The following SNX13 variants were observed in gnomAD, a reference collection of about 807,000 sequenced individuals.
The protein encoded by SNX13 is sorting nexin 13, also known as sorting nexin-13.
Under a neutral mutation model 133.6 loss-of-function variants are expected in SNX13, and 45 were observed. The ratio of observed to expected loss-of-function variants is 0.34; its 90% CI spans 0.27 to 0.43. The LOEUF (loss-of-function observed/expected upper bound fraction) is 0.43, where lower values mean the gene tolerates loss of function less well. Ranked by LOEUF, SNX13 falls within the 20% of genes least tolerant of loss-of-function variation. SNX13 has a pLI of 1.00. For synonymous variants in SNX13, 414 were observed against 373.9 expected, an observed-to-expected ratio of 1.11 and a Z score of -1.24; for missense variants, 1,032 against 1,145.1, an observed-to-expected ratio of 0.90 and a Z score of 1.43.
chr7:17,790,804 A>G lies in SNX13; in HGVS notation c.*3241T>C, dbSNP rs1359872596. 2 of 152,250 alleles carry G rather than the reference A, an allele frequency of 1.3e-5. No homozygotes were observed. The highest frequency in any genetic ancestry group is 2.1e-4 in the South Asian group (1 of 4,826). 9.4% of individuals were successfully genotyped at this position (152,250 alleles called of 1,614,324 possible). On this transcript the variant is annotated 3_prime_UTR_variant, in exon 26 of 26. Transcript: ENST00000428135. ...TAGTATTTTCTAATGGACAGAACAC[A>G]AACCAAATAAATTTTTTAATCCTTT...
At chr7:17,922,502 T>G (rs921669449) in intron 1 of SNX13, among the ~76,000 whole-genome samples, 1 of 152,234 alleles carries the variant, frequency 6.6e-6, no homozygotes, top group African/African-American at 2.4e-5. Context: ...ATGTGTTAAC[T>G]AAGTAAAACA....
chr7:17,914,045 G>C (rs750488437), intron 1 of SNX13, among the ~76,000 whole-genome samples: 9 of 151,916 alleles, frequency 5.9e-5, no homozygotes, highest in Non-Finnish European at 1.0e-4. Flanking sequence ...GCTGTATTAA[G>C]AAAGAACCAA....
intron 9 of SNX13, among the ~76,000 whole-genome samples, chr7:17,857,853 C>G (rs1012022053): frequency 6.6e-6 from 1 of 152,074 alleles, no homozygotes; most frequent in Non-Finnish European, 1.5e-5. Flanking sequence ...GGATTCATCA[C>G]AGAAATGCAA....
intron 1 of SNX13, among the ~76,000 whole-genome samples, chr7:17,939,064 T>A (rs1188262048): frequency 1.3e-5 from 2 of 152,180 alleles, no homozygotes; most frequent in African/African-American, 4.8e-5. Flanking sequence ...TAAGTATTTA[T>A]CATATGCCAG....
chr7:17,899,918 A>G (rs1469183080), intron 1 of SNX13: 1 of 152,132 alleles, frequency 6.6e-6, no homozygotes, highest in African/African-American at 2.4e-5. Flanking sequence ...CAGTCTTTAC[A>G]GTCTGGGCTT....
intron 11 of SNX13, among the ~76,000 whole-genome samples, chr7:17,849,118 C>T (rs926447389): frequency 1.3e-5 from 2 of 152,160 alleles, no homozygotes; most frequent in African/African-American, 4.8e-5. Context: ...CTCAAGATTG[C>T]CAATTGGCAT....
At chr7:17,815,887 A>T (rs1316080657) in intron 19 of SNX13, among the ~76,000 whole-genome samples, 2 of 152,232 alleles carry the variant, frequency 1.3e-5, no homozygotes, top group East Asian at 3.8e-4. Flanking sequence ...CTTTAAAAAA[A>T]AAATTCAAAT....
At chr7:17,847,902 T>G (rs1462156824) in intron 11 of SNX13, among the ~76,000 whole-genome samples, 3 of 152,148 alleles carry the variant, frequency 2.0e-5, no homozygotes, top group African/African-American at 7.2e-5. Context: ...ATAAACACTT[T>G]TAACATTTGG....
In SNX13 at chr7:17,912,949, G is replaced by A. The variant is rs1230153411; in HGVS notation, c.13-15503C>T. ...GGAGCAGGAAGAGACTTGTGAAGCT[G>A]AGGTTTCTCCTAGGATGCAAGACTC... On this transcript the variant is annotated intron_variant, in intron 1 of 25. Coordinates refer to ENST00000428135, the MANE Select transcript of SNX13 (RefSeq NM_015132.5). 2.6e-5 allele frequency among the ~76,000 whole-genome samples: 4 copies of A among 152,174 alleles called. No homozygotes were observed. In the East Asian group the frequency reaches 5.8e-4, roughly 22 times the overall value.
chr7:17,847,809 C>T (rs1009225788), intron 11 of SNX13, among the ~76,000 whole-genome samples: 2 of 152,124 alleles, frequency 1.3e-5, no homozygotes, highest in Non-Finnish European at 2.9e-5. Flanking sequence ...ACCAATAATC[C>T]AGAAGGTAGG....
At chr7:17,861,265 T>A (rs1325261046) in intron 9 of SNX13, among the ~76,000 whole-genome samples, 1 of 151,944 alleles carries the variant, frequency 6.6e-6, no homozygotes, top group African/African-American at 2.4e-5. Context: ...ACCCCGCCCC[T>A]GCCAGAAATG....
In SNX13 at chr7:17,845,670, C is replaced by T; in HGVS notation, c.1090G>A (p.Ala364Thr). The T allele has an allele frequency of 6.3e-7, 1 of 1,598,574 alleles. No individual in the cohort carries two copies. The highest frequency in any genetic ancestry group is 1.7e-5 in the Admixed American group (1 of 57,874). Residue 364 changes from alanine to threonine, a missense_variant, in exon 12 of 26, where the codon GCA (alanine) becomes ACA (threonine). Ala to Thr is a moderately conservative substitution (Grantham distance 58, BLOSUM62 0). Coordinates refer to ENST00000428135, the MANE Select transcript of SNX13 (RefSeq NM_015132.5). ...ACTGTGCAAAGTTTCCCAAAGTTTG[C>T]TGCAAGTTTCACAGTATTTATTTCC... is the stretch of plus-strand genomic sequence containing the variant. ...GKEINTVKLA[A>T]NFGKLCTVPL...
At chr7:17,888,820 T>G (rs981043344) in intron 5 of SNX13, 13 of 445,604 alleles carry the variant, frequency 2.9e-5, no homozygotes, top group Middle Eastern at 3.4e-4. Flanking sequence ...GCAGTTATTA[T>G]TACACTTATT....
chr7:17,896,391 T>A (rs73083310), intron 2 of SNX13, among the ~76,000 whole-genome samples: 8,000 of 152,244 alleles, frequency 0.053, 232 homozygotes, highest in South Asian at 0.1. Context: ...ATAGAAAGAC[T>A]ACAACATGAC....
At chr7:17,877,470 A>G (rs775395228) in intron 5 of SNX13, among the ~76,000 whole-genome samples, 6 of 152,124 alleles carry the variant, frequency 3.9e-5, no homozygotes, top group Non-Finnish European at 7.4e-5. Context: ...AAAATTTTAT[A>G]AAAACAAAAT....
At chr7:17,905,583 A>G (rs959814770) in intron 1 of SNX13, among the ~76,000 whole-genome samples, 3 of 152,214 alleles carry the variant, frequency 2.0e-5, no homozygotes, top group Non-Finnish European at 4.4e-5. Context: ...CTTTCCACCA[A>G]AATAGTACTA....
chr7:17,940,149 C>A (rs1191726558), intron 1 of SNX13, 135 bp downstream of exon 1: 5 of 1,176,446 alleles, frequency 4.3e-6, no homozygotes, highest in Non-Finnish European at 3.7e-6. Context: ...CTTGTAGGAT[C>A]CCCGCTGCTC....
chr7:17,814,595 A>C lies in SNX13; in HGVS notation c.2064+239T>G, dbSNP rs1354241275. Among the ~76,000 whole-genome samples, 8 of 152,256 alleles carry C rather than the reference A, an allele frequency of 5.3e-5. No homozygotes were observed. In the East Asian group the frequency reaches 1.5e-3, roughly 29 times the overall value. On this transcript the variant is annotated intron_variant, in intron 20 of 25. Coordinates refer to ENST00000428135, the MANE Select transcript of SNX13 (RefSeq NM_015132.5). The stretch of plus-strand genomic sequence containing the variant: ...ACTTGTCTCAGGCAAACTTTTCTTA[A>C]TGTACCATTTCAAATTTTTTATTTC...
intron 1 of SNX13, among the ~76,000 whole-genome samples, chr7:17,919,295 C>A (rs866317377): frequency 2.6e-5 from 4 of 152,108 alleles, no homozygotes; most frequent in African/African-American, 9.7e-5. Flanking sequence ...ATCAGAAAAG[C>A]CATAAATACT....
Sources: allele counts gnomAD v4.1 joint callset (sites outside exome capture counted in the v4.1 genomes callset), GRCh38; gene constraint gnomAD v4.1.1; transcripts MANE v1.5; gene names NCBI Gene and HGNC (gene_info 2026-07-23, HGNC 2026-07-21).